TMEFF2: variants seen among roughly 807,000 people sequenced by gnomAD.
The protein encoded by TMEFF2 is transmembrane protein with EGF like and two follistatin like domains 2.
TMEFF2 carries 28 observed loss-of-function variants against 53.8 expected under a neutral mutation model. That is an observed-to-expected ratio of 0.52 (90% CI 0.39 to 0.71). The LOEUF is 0.71. Ranked by LOEUF, TMEFF2 falls within the 30% of genes least tolerant of loss-of-function variation. TMEFF2 has a pLI of 0.00. For synonymous variants in TMEFF2, 162 were observed against 166.3 expected, an observed-to-expected ratio of 0.97 and a Z score of 0.20; for missense variants, 353 against 455.2, an observed-to-expected ratio of 0.78 and a Z score of 2.04.
intron 4 of TMEFF2, among the ~76,000 whole-genome samples, chr2:192,152,601 T>C (rs558992040): frequency 6.6e-6 from 1 of 152,080 alleles, no homozygotes; most frequent in South Asian, 2.1e-4. Context: ...AGGTAGCTAG[T>C]ATGGTACCCG....
intron 4 of TMEFF2, among the ~76,000 whole-genome samples, chr2:192,099,683 A>C (rs1688989710): frequency 6.6e-6 from 1 of 152,124 alleles, no homozygotes; most frequent in African/African-American, 2.4e-5. Context: ...TTGAACAACT[A>C]TCAAATTAAT....
chr2:192,110,392 GAAGAT>G (rs924442656), intron 4 of TMEFF2, among the ~76,000 whole-genome samples: 50 of 152,270 alleles, frequency 3.3e-4, no homozygotes, highest in Admixed American at 2.6e-3. Flanking sequence ...ATAAACAAGA[GAAGAT>G]AAGAGTGATG....
At chr2:191,964,260 C>T (rs879624199) in intron 7 of TMEFF2, among the ~76,000 whole-genome samples, 5,454 of 14,562 alleles carry the variant, frequency 0.37, 325 homozygotes, top group South Asian at 0.52. Context: ...TTCCTTCCTC[C>T]TTTCTTTTCT....
At chr2:192,021,869 T>G (rs1216674662) in intron 5 of TMEFF2, 1 of 152,216 alleles carries the variant, frequency 6.6e-6, no homozygotes. Context: ...AGTCCTTAGC[T>G]CATAGCTTAG....
At chr2:192,126,474 AT>A (rs1182299714) in intron 4 of TMEFF2, among the ~76,000 whole-genome samples, 2 of 152,232 alleles carry the variant, frequency 1.3e-5, no homozygotes, top group Admixed American at 6.5e-5. Flanking sequence ...TCAGAAAAAA[AT>A]ATCAAGATGT....
intron 1 of TMEFF2, among the ~76,000 whole-genome samples, chr2:192,193,281 C>G (rs547492692): frequency 1.2e-4 from 18 of 152,252 alleles, no homozygotes; most frequent in African/African-American, 4.3e-4. Flanking sequence ...GGGACAATAC[C>G]CAGGCATGTT....
chr2:192,118,679 A>C (rs1483930132), intron 4 of TMEFF2, among the ~76,000 whole-genome samples: 1 of 152,196 alleles, frequency 6.6e-6, no homozygotes, highest in East Asian at 1.9e-4. Context: ...GCTACCTGAC[A>C]AGACAAATTC....
chr2:192,056,407 G>A (rs1382996573), intron 5 of TMEFF2, among the ~76,000 whole-genome samples: 1 of 151,956 alleles, frequency 6.6e-6, no homozygotes, highest in Non-Finnish European at 1.5e-5. Context: ...GGAAGAAGAG[G>A]AAGAGGAGGA....
chr2:192,000,632 A>G (rs1686332072), intron 5 of TMEFF2, among the ~76,000 whole-genome samples: 1 of 152,188 alleles, frequency 6.6e-6, no homozygotes, highest in African/African-American at 2.4e-5. Context: ...CTGCTTGATC[A>G]GTCTGTTGAT....
chr2:192,024,917 A>G lies in TMEFF2; in HGVS notation c.537-25709T>C, dbSNP rs1005869619. On this transcript the variant is annotated intron_variant, in intron 5 of 9. Transcript: ENST00000272771. The stretch of plus-strand genomic sequence containing the variant: ...AAGTTCATTGCATGGATAATTTCCT[A>G]TAACCACAGGGAGCCAGAGTTGGCT... Among the ~76,000 whole-genome samples, 5 of 152,186 alleles carry G rather than the reference A, an allele frequency of 3.3e-5. No homozygotes were observed. In the East Asian group the frequency reaches 9.6e-4, roughly 29 times the overall value.
intron 4 of TMEFF2, among the ~76,000 whole-genome samples, chr2:192,165,881 G>C (rs899787317): frequency 6.6e-6 from 1 of 152,140 alleles, no homozygotes; most frequent in South Asian, 2.1e-4. Context: ...CTTAGAGGAA[G>C]TTAGACAAAT....
At chr2:192,118,058 TA>T (rs35511992) in intron 4 of TMEFF2, among the ~76,000 whole-genome samples, 547 of 148,474 alleles carry the variant, frequency 3.7e-3, no homozygotes, top group Admixed American at 4.8e-3. Flanking sequence ...TTCCATTAAT[TA>T]AAAAAAAAAA....
chr2:192,020,473 A>T (rs1242698278), intron 5 of TMEFF2, among the ~76,000 whole-genome samples: 6 of 152,062 alleles, frequency 3.9e-5, no homozygotes, highest in African/African-American at 1.4e-4. Context: ...TACTCATTTT[A>T]TATATATGTA....
At chr2:192,062,878 G>A (rs187800809) in intron 4 of TMEFF2, among the ~76,000 whole-genome samples, 208 of 151,600 alleles carry the variant, frequency 1.4e-3, no homozygotes, top group African/African-American at 4.2e-3. Flanking sequence ...TTGTTCCCAC[G>A]TCTGCTATTT....
At chr2:192,051,229 G>GTT (rs1559103791) in intron 5 of TMEFF2, among the ~76,000 whole-genome samples, 4 of 14,926 alleles carry the variant, frequency 2.7e-4, no homozygotes, top group Non-Finnish European at 1.8e-3. Flanking sequence ...CTTTTTTCTG[G>GTT]GTTTTTTTTT....
chr2:192,091,135 G>A (rs1688780275), intron 4 of TMEFF2, among the ~76,000 whole-genome samples: 1 of 152,116 alleles, frequency 6.6e-6, no homozygotes, highest in Non-Finnish European at 1.5e-5. Flanking sequence ...TATCACGTCT[G>A]CTGCCAGGCT....
chr2:191,980,185 G>A (rs142374375), intron 7 of TMEFF2, among the ~76,000 whole-genome samples: 26 of 152,230 alleles, frequency 1.7e-4, no homozygotes, highest in South Asian at 4.1e-4. Flanking sequence ...AAAGGTAAAA[G>A]CATAAATACA....
chr2:192,151,977 C>T (rs1057152552), intron 4 of TMEFF2, among the ~76,000 whole-genome samples: 1 of 151,754 alleles, frequency 6.6e-6, no homozygotes, highest in Non-Finnish European at 1.5e-5. Flanking sequence ...GAGTCATGTC[C>T]TTAGTGGCTT....
rs147719835 is a variant in TMEFF2, at chr2:192,165,914, C to T, written c.439+13754G>A. On this transcript the variant is annotated intron_variant, in intron 4 of 9. Coordinates refer to ENST00000272771, the MANE Select transcript of TMEFF2 (RefSeq NM_016192.4). ...AATATCTCTGAATTTAGAAAAAATT[C>T]AGAATTAGTTGAAACAAATACAGTT... 4.2e-3 allele frequency among the ~76,000 whole-genome samples: 634 copies of T among 152,202 alleles called. 7 individuals carry two copies. The highest frequency in any genetic ancestry group is 0.015 in the African/African-American group (611 of 41,542).
Sources: gnomAD v4.1 joint callset for allele counts (sites outside exome capture counted in the v4.1 genomes callset) on GRCh38, gnomAD v4.1.1 for gene constraint, MANE v1.5 for transcripts, NCBI Gene and HGNC (gene_info 2026-07-23, HGNC 2026-07-21) for gene names.